CDCA8: variants seen among roughly 807,000 people sequenced by gnomAD.
CDCA8 encodes borealin.
A neutral mutation model predicts 40.0 loss-of-function variants in CDCA8; 25 were observed. That is an observed-to-expected ratio of 0.63 (90% confidence interval 0.46 to 0.87). The LOEUF is 0.87. CDCA8 is among the 40% of genes least tolerant of loss of function. The pLI is 0.00. For missense variants in CDCA8, 280 were observed against 348.4 expected, an observed-to-expected ratio of 0.80 and a Z score of 1.56; for synonymous variants, 111 against 126.5, an observed-to-expected ratio of 0.88 and a Z score of 0.82.
In CDCA8 at chr1:37,705,640, C is replaced by A. The variant is rs146618201; in HGVS notation, c.711+73C>A. 7 of 1,559,878 alleles carry A rather than the reference C, an allele frequency of 4.5e-6. No individual in the cohort carries two copies. The Admixed American group carries it at 1.0e-4, about 23-fold the overall frequency. ...AGCATTTCTTTTCCCTGGGCCCTCA[C>A]CCACGCTTCACCCTCAGAGTCCTTT... On this transcript the variant is annotated intron_variant, in intron 8 of 9. Transcript: ENST00000373055.
rs1220723948 is a variant in CDCA8 at position 37,703,401 on chromosome 1, C to G, written c.584+54C>G. ...GATGGGACTCCAACATTGAGCACTACCCAGAGAAGGAGTGTCTAAGAAAAT... is the reference window on the plus strand; with the variant it reads ...GATGGGACTCCAACATTGAGCACTAGCCAGAGAAGGAGTGTCTAAGAAAAT... On this transcript the variant is annotated intron_variant, in intron 7 of 9. Transcript: ENST00000373055. The G allele has an allele frequency of 2.4e-6, 3 of 1,270,678 alleles. No homozygotes were observed. In the African/African-American group the frequency reaches 4.4e-5, roughly 19 times the overall value. 78.7% of individuals were successfully genotyped at this position (1,270,678 alleles called of 1,614,324 possible).
chr1:37,703,189 C>A, intron 6 of CDCA8, 63 bp from the exon 7 acceptor site: 1 of 1,284,450 alleles, frequency 7.8e-7, no homozygotes, highest in Non-Finnish European at 1.1e-6. Flanking sequence ...CGTGTCACTC[C>A]TCTGCTGCTG....
chr1:37,707,950 C>T (rs1645613632), intron 9 of CDCA8, among the ~76,000 whole-genome samples: 1 of 152,228 alleles, frequency 6.6e-6, no homozygotes, highest in South Asian at 2.1e-4. Context: ...ACATGGCAAC[C>T]TTACCCTCAT....
Position 37,708,844 on chromosome 1 carries a change from G to T in CDCA8, c.*478G>T. The T allele has an allele frequency of 4.5e-6, 1 of 222,200 alleles. No individual in the cohort carries two copies. The highest frequency in any genetic ancestry group is 9.1e-6 in the Non-Finnish European group (1 of 109,398). The allele number at this position is 222,200 out of a possible 1,614,324, so 13.8% of individuals were successfully genotyped here. On this transcript the variant is annotated 3_prime_UTR_variant, in exon 10 of 10. Transcript: ENST00000373055. Reference sequence around the variant, plus strand: ...ATAAGTGAGCTCTGGGCCATGAGAGGGTAGGTCCAGAAGGTGGGGGGAACT... The same window carrying T: ...ATAAGTGAGCTCTGGGCCATGAGAGTGTAGGTCCAGAAGGTGGGGGGAACT...
chr1:37,694,301 C>T lies in CDCA8; in HGVS notation c.223+1268C>T, dbSNP rs559243874. ...TAACTATCCAGCATGTAGTCTCCTT[C>T]CTGGATAGAAATGCATGGTCTGCTC... is the stretch of plus-strand genomic sequence containing the variant. On this transcript the variant is annotated intron_variant, in intron 2 of 9. Coordinates refer to ENST00000373055, the MANE Select transcript of CDCA8 (RefSeq NM_001256875.2). Among the ~76,000 whole-genome samples, 49 of 152,332 alleles carry T rather than the reference C, an allele frequency of 3.2e-4. No homozygotes were observed. In the South Asian group the frequency reaches 0.01, roughly 32 times the overall value.
chr1:37,703,325 C>T lies in CDCA8; in HGVS notation c.562C>T (p.Leu188=), dbSNP rs753643676. The change falls in exon 7 of 10, where the codon CTG becomes TTG. Residue 188 remains leucine (L), a synonymous_variant. Transcript: ENST00000373055. ...GTCCATGGTCAAACCAACTCCAGGC[C>T]TGACACCCAGGTTTGACTCAAGGTG... is the stretch of plus-strand genomic sequence containing the variant. The part of the protein sequence containing the change: ...EVSMVKPTPG[L]TPRFDSRVFK... 1 of 1,613,694 alleles carries T rather than the reference C, an allele frequency of 6.2e-7. No homozygotes were observed. Among genetic ancestry groups the T allele is most frequent in the Non-Finnish European group, 8.5e-7 (1 of 1,179,624 alleles).
At chr1:37,694,531 T>C (rs1332318899) in intron 2 of CDCA8, among the ~76,000 whole-genome samples, 2 of 152,250 alleles carry the variant, frequency 1.3e-5, no homozygotes, top group Admixed American at 6.5e-5. Context: ...CATACAATTA[T>C]GTAATTAAAA....
chr1:37,708,134 A>G (rs906528921), intron 9 of CDCA8, among the ~76,000 whole-genome samples, 188 bp from the exon 10 acceptor site: 2 of 152,184 alleles, frequency 1.3e-5, no homozygotes, highest in Admixed American at 6.5e-5. Flanking sequence ...TCTCAAATCT[A>G]TGATACCTTT....
At chr1:37,707,461 G>A (rs1451748006) in intron 9 of CDCA8, among the ~76,000 whole-genome samples, 1 of 152,232 alleles carries the variant, frequency 6.6e-6, no homozygotes, top group Non-Finnish European at 1.5e-5. Flanking sequence ...AGCCTCTGGA[G>A]TGGTGGGGCC....
In CDCA8 at chr1:37,708,652, T is replaced by G; in HGVS notation, c.*286T>G. 1 of 462,708 alleles carries G rather than the reference T, an allele frequency of 2.2e-6. No homozygotes were observed. The highest frequency in any genetic ancestry group is 4.0e-6 in the Non-Finnish European group (1 of 252,562). 28.7% of individuals were successfully genotyped at this position (462,708 alleles called of 1,614,324 possible). A position where few individuals can be genotyped will look rare whatever the true frequency, so the allele number is the denominator to read the frequency against. ...TCCCTGCTCTCTGAGCTGCTGCCTT[T>G]TGCCTCCTGCAACTCAACATCCTCT... On this transcript the variant is annotated 3_prime_UTR_variant, in exon 10 of 10. Transcript: ENST00000373055.
rs760966595 is a variant in CDCA8 at position 37,700,449 on chromosome 1, A to G, written c.351A>G (p.Ile117Met). ...PLKSAKTRKV[I>M]QVDEMIVEEE... Reference sequence around the variant, plus strand: ...TGTTTCTTACAGCACGAAAGGTAATACAGGTAGATGAAATGATAGTGGAAG... The same window carrying G: ...TGTTTCTTACAGCACGAAAGGTAATGCAGGTAGATGAAATGATAGTGGAAG... The change falls in exon 5 of 10, where the codon ATA (isoleucine) becomes ATG (methionine). Residue 117 changes from isoleucine (I) to methionine (M), a missense_variant. Physicochemically the swap from Ile to Met is conservative, Grantham distance 10 (BLOSUM62 1). Coordinates refer to ENST00000373055, the MANE Select transcript of CDCA8 (RefSeq NM_001256875.2). 5.0e-6 allele frequency: 8 copies of G among 1,605,242 alleles called. No homozygotes were observed. In the African/African-American group the frequency reaches 9.4e-5, roughly 19 times the overall value.
chr1:37,700,445 T>A lies in CDCA8; in HGVS notation c.347T>A (p.Val116Glu), dbSNP rs1645556170. 6 of 1,603,162 alleles carry A rather than the reference T, an allele frequency of 3.7e-6. No homozygotes were observed. The highest frequency in any genetic ancestry group is 5.1e-6 in the Non-Finnish European group (6 of 1,170,348). Residue 116 changes from valine to glutamate, a missense_variant, in exon 5 of 10, where the codon GTA becomes GAA. Coordinates refer to ENST00000373055, the MANE Select transcript of CDCA8 (RefSeq NM_001256875.2). ...TPLKSAKTRK[V>E]IQVDEMIVEE... is the part of the protein sequence containing the mutation. ...AAACTGTTTCTTACAGCACGAAAGG[T>A]AATACAGGTAGATGAAATGATAGTG...
At chr1:37,703,150 C>A in intron 6 of CDCA8, 102 bp from the exon 7 acceptor site, 1 of 892,148 alleles carries the variant, frequency 1.1e-6, no homozygotes, top group Non-Finnish European at 1.9e-6. Flanking sequence ...GCGAGGCGCC[C>A]GGAGCAGTAT....
intron 8 of CDCA8, among the ~76,000 whole-genome samples, chr1:37,706,449 T>C (rs1299908422): frequency 5.9e-5 from 9 of 152,204 alleles, no homozygotes; most frequent in Non-Finnish European, 1.3e-4. Context: ...CCGATTGTAG[T>C]AGGCCCAAGA....
At chr1:37,705,691 C>G (rs1645594734) in intron 8 of CDCA8, 124 bp downstream of exon 8, 1 of 1,113,516 alleles carries the variant, frequency 9.0e-7, no homozygotes, top group Admixed American at 2.3e-5. Flanking sequence ...GATCTCCACA[C>G]TTCTGCGGGA....
chr1:37,706,620 G>A (rs1024836998), intron 8 of CDCA8, among the ~76,000 whole-genome samples: 1 of 152,226 alleles, frequency 6.6e-6, no homozygotes, highest in Non-Finnish European at 1.5e-5. Flanking sequence ...CATGAGCTGT[G>A]CCTTCAGCTT....
Position 37,692,957 on chromosome 1 carries a change from G to A in CDCA8, c.147G>A (p.Glu49=). Residue 49 remains glutamate, a synonymous_variant, in exon 2 of 10, where the codon GAG becomes GAA. Coordinates refer to ENST00000373055, the MANE Select transcript of CDCA8 (RefSeq NM_001256875.2). Reference sequence around the variant, plus strand: ...CAGACAGGCAGAACCTCCTCAAGGAGGTGGATAACCTCTACAACATCGAGA... The same window carrying A: ...CAGACAGGCAGAACCTCCTCAAGGAAGTGGATAACCTCTACAACATCGAGA... The part of the protein sequence containing the change: ...IESDRQNLLK[E]VDNLYNIEIL... The A allele has an allele frequency of 6.2e-7, 1 of 1,614,132 alleles. No homozygotes were observed. Among genetic ancestry groups the A allele is most frequent in the South Asian group, 1.1e-5 (1 of 91,088 alleles).
chr1:37,700,355 A>G (rs2148288076), intron 4 of CDCA8, 81 bp from the exon 5 acceptor site: 1 of 827,952 alleles, frequency 1.2e-6, no homozygotes, highest in East Asian at 2.5e-5. Context: ...GATTGTGTAC[A>G]TTTTATTCCT....
chr1:37,707,132 G>C (rs1185966928), intron 9 of CDCA8, 68 bp downstream of exon 9: 3 of 1,216,618 alleles, frequency 2.5e-6, no homozygotes, highest in Non-Finnish European at 3.6e-6. Flanking sequence ...CTTTATTTAG[G>C]ATTGTCTTTT....
Sources: allele counts gnomAD v4.1 joint callset (sites outside exome capture counted in the v4.1 genomes callset), GRCh38; gene constraint gnomAD v4.1.1; transcripts MANE v1.5; gene names NCBI Gene and HGNC (gene_info 2026-07-23, HGNC 2026-07-21).